The following PACS2 variants were observed in gnomAD, a reference collection of about 807,000 sequenced individuals.
The protein encoded by PACS2 is PACS1-like protein.
In PACS2, 36 loss-of-function variants were observed where a neutral mutation model predicts 113.0. That is an observed-to-expected ratio of 0.32 (90% CI 0.24 to 0.42). The LOEUF (loss-of-function observed/expected upper bound fraction) is 0.42. PACS2 is among the 10% of genes least tolerant of loss of function. The pLI is 1.00. For synonymous variants in PACS2, 589 were observed against 536.1 expected, an observed-to-expected ratio of 1.10 and a Z score of -1.36; for missense variants, 1,015 against 1,239.5, an observed-to-expected ratio of 0.82 and a Z score of 2.72.
At position 105,315,157 on chromosome 14, in the gene PACS2, C is replaced by A; in HGVS notation, c.119+120C>A. On this transcript the variant is annotated intron_variant, in intron 1 of 24. Coordinates refer to ENST00000447393, the MANE Select transcript of PACS2 (RefSeq NM_001100913.3). The surrounding 1 kb of genome is among the most constrained non-coding windows in gnomAD (Gnocchi z 4.4). Reference sequence around the variant, plus strand: ...CCAGCGGAGCCCAGGTCGCCCCCCGCGCCCCCGCCCGCCGGTTCGACGCGT... The same window carrying A: ...CCAGCGGAGCCCAGGTCGCCCCCCGAGCCCCCGCCCGCCGGTTCGACGCGT... The A allele has an allele frequency of 3.9e-6, 2 of 506,896 alleles. No individual in the cohort carries two copies. The highest frequency in any genetic ancestry group is 5.2e-6 in the Non-Finnish European group (2 of 384,686). 31.4% of individuals were successfully genotyped at this position (506,896 alleles called of 1,614,324 possible).
intron 23 of PACS2, 62 bp from the exon 24 acceptor site, chr14:105,393,159 TG>T: frequency 7.7e-7 from 1 of 1,297,480 alleles, no homozygotes; most frequent in Non-Finnish European, 1.1e-6. Flanking sequence ...CACGTACCCC[TG>T]GCCCTGGCCC....
At position 105,384,321 on chromosome 14, in the gene PACS2, G is replaced by A. The variant is rs782066119; in HGVS notation, c.1781-32G>A. 32 of 1,340,234 alleles carry A rather than the reference G, an allele frequency of 2.4e-5. No homozygotes were observed. The South Asian group carries it at 2.8e-4, about 12-fold the overall frequency. 83.0% of individuals were successfully genotyped at this position (1,340,234 alleles called of 1,614,324 possible). ...GGAGCCTTGCAGCTCCGAGTCCCCC[G>A]TGGTGACACCAGCCCCACCCCTGGC... is the stretch of plus-strand genomic sequence containing the variant. On this transcript the variant is annotated intron_variant, in intron 16 of 24. Transcript: ENST00000447393.
chr14:105,314,562 A>AGCGCGCGCGCACCTCACTTCCG (rs2058469477), upstream of PACS2: 1 of 144,930 alleles, frequency 6.9e-6, no homozygotes, highest in Non-Finnish European at 1.5e-5. Context: ...CGCCGGAGGA[A>AGCGCGCGCGCACCTCACTTCCG]GCGCGCGCGC....
chr14:105,391,256 C>T lies in PACS2; in HGVS notation c.2119+7C>T, dbSNP rs927752803. 1 of 1,609,766 alleles carries T rather than the reference C, an allele frequency of 6.2e-7. No homozygotes were observed. Among genetic ancestry groups the T allele is most frequent in the South Asian group, 1.1e-5 (1 of 90,998 alleles). On this transcript the variant is annotated splice_region_variant and intron_variant, in intron 21 of 24. Transcript: ENST00000447393. ...CCATCCTCGGCCACATCAGGTAACC[C>T]CGTCCCACCCTGAGGCCTTGTGAGT...
intron 2 of PACS2, among the ~76,000 whole-genome samples, chr14:105,350,370 C>A (rs1270996321): frequency 6.6e-6 from 1 of 152,202 alleles, no homozygotes; most frequent in Non-Finnish European, 1.5e-5. Context: ...GGCCCCACCC[C>A]ACACTGACCC....
At position 105,357,122 on chromosome 14, in the gene PACS2, C is replaced by T. The variant is rs1595683591; in HGVS notation, c.423+1945C>T. Among the ~76,000 whole-genome samples the T allele has an allele frequency of 6.6e-6, 1 of 152,166 alleles. No individual in the cohort carries two copies. The highest frequency in any genetic ancestry group is 1.5e-5 in the Non-Finnish European group (1 of 68,020). Reference sequence around the variant, plus strand: ...CACCCCAGTGCCCCAGGCGGCTCCTCCCAGCCCCTCTCAGCACTGGTGCTT... The same window carrying T: ...CACCCCAGTGCCCCAGGCGGCTCCTTCCAGCCCCTCTCAGCACTGGTGCTT... On this transcript the variant is annotated intron_variant, in intron 4 of 24. Transcript: ENST00000447393. This position sits in a 1 kb window ranked among gnomAD's most constrained non-coding sequence, Gnocchi z 5.1.
intron 1 of PACS2, among the ~76,000 whole-genome samples, chr14:105,319,942 C>G (rs2058826498): frequency 6.6e-6 from 1 of 152,176 alleles, no homozygotes; most frequent in Non-Finnish European, 1.5e-5. Context: ...TTTATCTTTT[C>G]ATTACTATTG....
upstream of PACS2, among the ~76,000 whole-genome samples, chr14:105,312,958 C>T (rs2058385959): frequency 6.6e-6 from 1 of 152,224 alleles, no homozygotes; most frequent in South Asian, 2.1e-4. Context: ...GCTGCATAAC[C>T]TCACAGGCCG....
chr14:105,307,491 G>A (rs895767421), intron 1 of PACS2, among the ~76,000 whole-genome samples: 15 of 151,772 alleles, frequency 9.9e-5, no homozygotes, highest in Admixed American at 2.6e-4. Flanking sequence ...GCTTCCCCAC[G>A]TGCCCCTCCT....
rs1245743510 is a variant in PACS2, at chr14:105,323,331, G to A, written c.119+8294G>A. 1.3e-5 allele frequency among the ~76,000 whole-genome samples: 2 copies of A among 152,250 alleles called. No homozygotes were observed. Among genetic ancestry groups the A allele is most frequent in the Non-Finnish European group, 2.9e-5 (2 of 68,046 alleles). On this transcript the variant is annotated intron_variant, in intron 1 of 24. Transcript: ENST00000447393. This position sits in a 1 kb window ranked among gnomAD's most constrained non-coding sequence, Gnocchi z 4.1. ...TCCATAGATGCACTGGGTGGTGTCA[G>A]TGGGCGGCGGCTGGCTGGGGCAGTA... is the stretch of plus-strand genomic sequence containing the variant.
At chr14:105,381,604 C>T (rs1376568683) in intron 12 of PACS2, among the ~76,000 whole-genome samples, 3 of 152,238 alleles carry the variant, frequency 2.0e-5, no homozygotes, top group Admixed American at 1.3e-4. Context: ...GCTCTTGGCC[C>T]GGGCAGGGAG....
intron 8 of PACS2, among the ~76,000 whole-genome samples, chr14:105,375,303 C>T (rs904146097): frequency 2.0e-5 from 3 of 151,966 alleles, no homozygotes; most frequent in Non-Finnish European, 4.4e-5. Flanking sequence ...CACGGTGAAA[C>T]CCCATCTCTA....
intron 20 of PACS2, 69 bp from the exon 21 acceptor site, chr14:105,391,138 C>A: frequency 1.6e-6 from 2 of 1,239,028 alleles, no homozygotes; most frequent in Non-Finnish European, 2.4e-6. Flanking sequence ...GAGGCGGGAG[C>A]CCCACTGGGA....
In PACS2 at chr14:105,365,858, CAAGTACGTG is replaced by C. The variant is rs1259837679; in HGVS notation, c.424-1351_424-1343del. ...TGGGGGCCTGGACAACAGCAGCCTC[CAAGTACGTG>C]AAGCTGCGTGTGCCCCGGCGAGTTG... On this transcript the variant is annotated intron_variant, in intron 4 of 24. Transcript: ENST00000447393. This position sits in a 1 kb window ranked among gnomAD's most constrained non-coding sequence, Gnocchi z 5.1. 3.9e-5 allele frequency among the ~76,000 whole-genome samples: 6 copies of C among 152,226 alleles called. No individual in the cohort carries two copies. The highest frequency in any genetic ancestry group is 4.4e-5 in the Non-Finnish European group (3 of 68,038).
chr14:105,312,046 C>T (rs769901486), upstream of PACS2, among the ~76,000 whole-genome samples: 2 of 152,212 alleles, frequency 1.3e-5, no homozygotes, highest in Non-Finnish European at 2.9e-5. Flanking sequence ...AGTGCTGGCC[C>T]TGGAGGAGGC....
intron 4 of PACS2, among the ~76,000 whole-genome samples, chr14:105,361,572 G>A (rs1421266129): frequency 6.6e-6 from 1 of 152,184 alleles, no homozygotes; most frequent in Non-Finnish European, 1.5e-5. Flanking sequence ...GGGAGGCGGA[G>A]GTTGCAGTGA....
intron 1 of PACS2, among the ~76,000 whole-genome samples, chr14:105,307,287 C>A (rs1316622968): frequency 6.6e-6 from 1 of 152,146 alleles, no homozygotes; most frequent in Non-Finnish European, 1.5e-5. Context: ...TTCCTGAACA[C>A]TAGCCCCCTG....
chr14:105,362,278 C>T lies in PACS2; in HGVS notation c.424-4935C>T, dbSNP rs376893875. Among the ~76,000 whole-genome samples, 154 of 137,186 alleles carry T rather than the reference C, an allele frequency of 1.1e-3. 1 individual carries two copies. In the South Asian group the frequency reaches 0.012, roughly 11 times the overall value. 90.0% of individuals were successfully genotyped at this position (137,186 alleles called of 152,430 possible). A position where few individuals can be genotyped will look rare whatever the true frequency, so the allele number is the denominator to read the frequency against. On this transcript the variant is annotated intron_variant, in intron 4 of 24. Transcript: ENST00000447393. ...CTGAAAATATAAAAAATTAGCTGGGCGTGGTGGCGGGCGCCTGTAGTCCCA... is the reference window on the plus strand; with the variant it reads ...CTGAAAATATAAAAAATTAGCTGGGTGTGGTGGCGGGCGCCTGTAGTCCCA...
chr14:105,342,648 G>C (rs1363483568), intron 1 of PACS2, among the ~76,000 whole-genome samples: 1 of 151,902 alleles, frequency 6.6e-6, no homozygotes, highest in East Asian at 2.0e-4. Flanking sequence ...AGTATCGTCT[G>C]GTAGGCCAGG....
Sources: gnomAD v4.1 joint callset for allele counts (sites outside exome capture counted in the v4.1 genomes callset) on GRCh38, gnomAD v4.1.1 for gene constraint, Gnocchi (gnomAD v3.1) non-coding constraint, MANE v1.5 for transcripts, NCBI Gene and HGNC (gene_info 2026-07-23, HGNC 2026-07-21) for gene names.